The following RAB3GAP2 variants were observed in gnomAD, a reference collection of about 807,000 sequenced individuals.
RAB3GAP2 encodes RAB3 GTPase activating non-catalytic protein subunit 2.
RAB3GAP2 carries 87 observed loss-of-function variants against 185.3 expected under a neutral mutation model. The observed-to-expected ratio is 0.47, with a 90% CI of 0.39 to 0.56. The LOEUF is 0.56. Among genes scored for constraint, RAB3GAP2 ranks in the 20% least tolerant of loss-of-function variants. RAB3GAP2 has a pLI of 0.00. For missense variants in RAB3GAP2, 1,492 were observed against 1,638.2 expected (o/e 0.91, Z 1.54); for synonymous variants, 554 against 576.1 (o/e 0.96, Z 0.55).
intron 7 of RAB3GAP2, among the ~76,000 whole-genome samples, chr1:220,209,273 T>G (rs962104853): frequency 6.6e-6 from 1 of 152,194 alleles, no homozygotes; most frequent in Admixed American, 6.5e-5. Context: ...TTATGCAAAA[T>G]TTGGCCACTC....
chr1:220,164,939 A>G (rs1658037379), intron 26 of RAB3GAP2, 140 bp from the exon 27 acceptor site: 2 of 817,854 alleles, frequency 2.4e-6, no homozygotes, highest in Non-Finnish European at 3.9e-6. Flanking sequence ...AAATTATTGG[A>G]TAAGAAATAA....
chr1:220,153,518 TGTTTA>T, intron 32 of RAB3GAP2, 112 bp from the exon 33 acceptor site: 1 of 962,400 alleles, frequency 1.0e-6, no homozygotes, highest in Non-Finnish European at 1.6e-6. Context: ...TCCATTAAAT[TGTTTA>T]GTTATCAAAA....
At chr1:220,250,617 C>T (rs989195535) in intron 1 of RAB3GAP2, among the ~76,000 whole-genome samples, 2 of 152,084 alleles carry the variant, frequency 1.3e-5, no homozygotes, top group Admixed American at 1.3e-4. Context: ...TATGGTTTGG[C>T]CATGTCCCCA....
intron 28 of RAB3GAP2, among the ~76,000 whole-genome samples, chr1:220,161,590 T>C (rs546762944): frequency 6.6e-6 from 1 of 152,292 alleles, no homozygotes; most frequent in East Asian, 1.9e-4. Flanking sequence ...GTAATTTAAT[T>C]CCATAACTGA....
intron 1 of RAB3GAP2, among the ~76,000 whole-genome samples, chr1:220,261,473 C>T (rs189770320): frequency 3.6e-3 from 546 of 152,318 alleles, no homozygotes; most frequent in Non-Finnish European, 6.0e-3. Context: ...CCTAACTGGT[C>T]ACTCCACTTC....
chr1:220,160,321 C>T (rs1416706618), intron 28 of RAB3GAP2, among the ~76,000 whole-genome samples: 6 of 152,158 alleles, frequency 3.9e-5, no homozygotes, highest in Non-Finnish European at 7.3e-5. Flanking sequence ...AAAAATGTCA[C>T]CTCACTACCA....
chr1:220,181,303 A>AT (rs1161825484), intron 21 of RAB3GAP2, among the ~76,000 whole-genome samples: 1 of 151,814 alleles, frequency 6.6e-6, no homozygotes, highest in Non-Finnish European at 1.5e-5. Flanking sequence ...TTATTACACC[A>AT]TTTTTTATCA....
chr1:220,172,109 C>A lies in RAB3GAP2; in HGVS notation c.2417-60G>T, dbSNP rs376161791. On this transcript the variant is annotated intron_variant, in intron 22 of 34. Transcript: ENST00000358951. Reference sequence around the variant, plus strand: ...TTACCCTGTCAATTTTTTGGACTAACCATTTATGTTAAACATAATGTTAAA... The same window carrying A: ...TTACCCTGTCAATTTTTTGGACTAAACATTTATGTTAAACATAATGTTAAA... 7 of 1,545,986 alleles carry A rather than the reference C, an allele frequency of 4.5e-6. No homozygotes were observed. In the East Asian group the frequency reaches 1.6e-4, roughly 35 times the overall value.
chr1:220,263,275 C>A (rs905250962), intron 1 of RAB3GAP2, among the ~76,000 whole-genome samples: 1 of 151,934 alleles, frequency 6.6e-6, no homozygotes, highest in African/African-American at 2.4e-5. Flanking sequence ...TGATTGTGTC[C>A]TTTGATGCAC....
At chr1:220,261,881 T>C (rs1660143375) in intron 1 of RAB3GAP2, among the ~76,000 whole-genome samples, 1 of 152,114 alleles carries the variant, frequency 6.6e-6, no homozygotes. Flanking sequence ...AGCAGTCAGG[T>C]AGGGCCTGGA....
chr1:220,225,071 G>A (rs959925508), intron 2 of RAB3GAP2, among the ~76,000 whole-genome samples: 3 of 152,068 alleles, frequency 2.0e-5, no homozygotes, highest in Admixed American at 6.6e-5. Flanking sequence ...CCTAAGGAGC[G>A]CAGATTTGAA....
intron 11 of RAB3GAP2, 54 bp from the exon 12 acceptor site, chr1:220,195,221 G>A: frequency 2.5e-6 from 4 of 1,602,792 alleles, no homozygotes; most frequent in Non-Finnish European, 3.4e-6. Context: ...GTTTTAAAGT[G>A]CAAACTATCA....
Position 220,149,715 on chromosome 1 carries a change from GC to G in RAB3GAP2, c.*1535del, listed in dbSNP as rs1173162360. ...ATGTATGTCTCAATCAGACTCACAG[GC>G]CCCCATCCCAAATACTCAAGACATC... On this transcript the variant is annotated 3_prime_UTR_variant, in exon 35 of 35. Coordinates refer to ENST00000358951, the MANE Select transcript of RAB3GAP2 (RefSeq NM_012414.4). The G allele has an allele frequency of 2.0e-5, 3 of 152,224 alleles. No individual in the cohort carries two copies. Among genetic ancestry groups the G allele is most frequent in the Non-Finnish European group, 4.4e-5 (3 of 68,014 alleles). 9.4% of individuals were successfully genotyped at this position (152,224 alleles called of 1,614,324 possible). A position where few individuals can be genotyped will look rare whatever the true frequency, so the allele number is the denominator to read the frequency against.
chr1:220,241,087 T>G (rs145724092), intron 1 of RAB3GAP2, among the ~76,000 whole-genome samples: 101 of 152,228 alleles, frequency 6.6e-4, no homozygotes, highest in African/African-American at 2.4e-3. Context: ...GTATTTCCAT[T>G]CAATGAATTA....
Position 220,190,398 on chromosome 1 carries a change from A to C in RAB3GAP2, c.1610T>G (p.Val537Gly), listed in dbSNP as rs1282541809. 1 of 1,613,982 alleles carries C rather than the reference A, an allele frequency of 6.2e-7. No homozygotes were observed. The highest frequency in any genetic ancestry group is 8.5e-7 in the Non-Finnish European group (1 of 1,179,978). Reference sequence around the variant, plus strand: ...TTACCTCAGTGCTAAATGGAAGGGAACGTTCACTGTTTTCACACTTCCAGA... The same window carrying C: ...TTACCTCAGTGCTAAATGGAAGGGACCGTTCACTGTTTTCACACTTCCAGA... The part of the protein sequence containing the change: ...PVSGSVKTVN[V>G]PFHLALSDKK... Residue 537 changes from valine (V) to glycine (G), a missense_variant, in exon 15 of 35, where the codon GTT (valine) becomes GGT (glycine). This residue lies in a region of RAB3GAP2 where 681 missense variants were observed against 689.1 expected (regional missense o/e 0.99). Coordinates refer to ENST00000358951, the MANE Select transcript of RAB3GAP2 (RefSeq NM_012414.4).
chr1:220,266,133 C>T (rs1022326015), intron 1 of RAB3GAP2: 2 of 158,480 alleles, frequency 1.3e-5, no homozygotes, highest in East Asian at 3.7e-4. Context: ...TAAAGTCATA[C>T]TTTGATAATT....
chr1:220,193,002 T>C (rs1255419291), intron 13 of RAB3GAP2, among the ~76,000 whole-genome samples: 2 of 152,024 alleles, frequency 1.3e-5, no homozygotes, highest in Non-Finnish European at 2.9e-5. Context: ...ACAGTGAGAA[T>C]TGAAAGAAAG....
At chr1:220,231,981 ATT>A (rs935147575) in intron 2 of RAB3GAP2, among the ~76,000 whole-genome samples, 1 of 152,118 alleles carries the variant, frequency 6.6e-6, no homozygotes, top group Admixed American at 6.6e-5. Context: ...AAGCGAATAA[ATT>A]TTCTTCATAT....
intron 6 of RAB3GAP2, 57 bp from the exon 7 acceptor site, chr1:220,210,546 G>A (rs1478387142): frequency 2.3e-6 from 3 of 1,324,688 alleles, no homozygotes; most frequent in East Asian, 4.6e-5. Flanking sequence ...TACCTTAGCA[G>A]GTATGGCCAG....
Sources: allele counts gnomAD v4.1 joint callset (sites outside exome capture counted in the v4.1 genomes callset), GRCh38; gene constraint gnomAD v4.1.1; regional missense constraint gnomAD v4.1.1; transcripts MANE v1.5; gene names NCBI Gene and HGNC (gene_info 2026-07-23, HGNC 2026-07-21).